BPNT1: variants seen among roughly 807,000 people sequenced by gnomAD.
BPNT1 encodes 3'(2'), 5'-bisphosphate nucleotidase 1.
A neutral mutation model predicts 36.9 loss-of-function variants in BPNT1; 28 were observed. The observed-to-expected ratio is 0.76, with a 90% CI of 0.56 to 1.04. The LOEUF (loss-of-function observed/expected upper bound fraction) is 1.04. Ranked by LOEUF, BPNT1 falls within the 50% of genes least tolerant of loss-of-function variation. The pLI is 0.00. For missense variants in BPNT1, 313 were observed against 372.9 expected (o/e 0.84, Z 1.32); for synonymous variants, 119 against 130.9 (o/e 0.91, Z 0.62).
chr1:220,069,284 T>C, intron 5 of BPNT1, 100 bp downstream of exon 5: 1 of 907,386 alleles, frequency 1.1e-6, no homozygotes, highest in Non-Finnish European at 1.7e-6. Context: ...TAACACATGA[T>C]AGTAGCTTTC....
At chr1:220,074,953 T>C (rs1015977974) in intron 2 of BPNT1, among the ~76,000 whole-genome samples, 1 of 152,024 alleles carries the variant, frequency 6.6e-6, no homozygotes, top group Non-Finnish European at 1.5e-5. Context: ...CCTCCTTTGT[T>C]AGTTTGCTTT....
Position 220,057,761 on chromosome 1 carries a change from C to T in BPNT1, c.*1083G>A. The T allele has an allele frequency of 1.1e-6, 1 of 883,694 alleles. No homozygotes were observed. The highest frequency in any genetic ancestry group is 1.6e-6 in the Non-Finnish European group (1 of 633,836). The allele number at this position is 883,694 out of a possible 1,614,324, so 54.7% of individuals were successfully genotyped here. On this transcript the variant is annotated 3_prime_UTR_variant, in exon 9 of 9. Transcript: ENST00000322067. ...AATAATTTATTTAAAAAAAACTTTTCTCATAAATCTGTTTCATAAGCATAT... is the reference window on the plus strand; with the variant it reads ...AATAATTTATTTAAAAAAAACTTTTTTCATAAATCTGTTTCATAAGCATAT...
At chr1:220,065,361 C>A (rs1663446498) in intron 6 of BPNT1, among the ~76,000 whole-genome samples, 1 of 152,102 alleles carries the variant, frequency 6.6e-6, no homozygotes, top group African/African-American at 2.4e-5. Context: ...AAAGGCTCCA[C>A]ACCAATTTTG....
chr1:220,084,033 T>C (rs1558104404), intron 1 of BPNT1, among the ~76,000 whole-genome samples: 1 of 152,076 alleles, frequency 6.6e-6, no homozygotes, highest in Non-Finnish European at 1.5e-5. Flanking sequence ...GCACTTCAGA[T>C]AGAAAACAGA....
rs1298669386 is a variant in BPNT1 at position 220,089,765 on chromosome 1, G to T, written c.-88C>A. 1 of 152,262 alleles carries T rather than the reference G, an allele frequency of 6.6e-6. No individual in the cohort carries two copies. Among genetic ancestry groups the T allele is most frequent in the African/African-American group, 2.4e-5 (1 of 41,462 alleles). The allele number at this position is 152,262 out of a possible 1,614,324, so 9.4% of individuals were successfully genotyped here. A position where few individuals can be genotyped will look rare whatever the true frequency, so the allele number is the denominator to read the frequency against. Reference sequence around the variant, plus strand: ...AGACCCAGGTCCCTCGTTGTGTCCAGTACCGAGCTTTGGCACTGTCAATAA... The same window carrying T: ...AGACCCAGGTCCCTCGTTGTGTCCATTACCGAGCTTTGGCACTGTCAATAA... On this transcript the variant is annotated 5_prime_UTR_variant, in exon 1 of 9. In the 5' UTR this introduces an upstream ATG that the reference lacks. Transcript: ENST00000322067.
intron 1 of BPNT1, among the ~76,000 whole-genome samples, chr1:220,083,569 G>A (rs1205929707): frequency 6.6e-6 from 1 of 151,452 alleles, no homozygotes; most frequent in Non-Finnish European, 1.5e-5. Context: ...CCTCGGCCTC[G>A]CAAAGTGCTG....
intron 6 of BPNT1, among the ~76,000 whole-genome samples, chr1:220,066,743 G>C (rs1225112966): frequency 6.6e-6 from 1 of 152,132 alleles, no homozygotes; most frequent in Non-Finnish European, 1.5e-5. Flanking sequence ...CAAGAAAAAA[G>C]AATGCAAGAG....
intron 6 of BPNT1, among the ~76,000 whole-genome samples, chr1:220,063,356 T>C (rs919583480): frequency 3.9e-5 from 6 of 152,082 alleles, no homozygotes; most frequent in African/African-American, 1.2e-4. Flanking sequence ...TCAAAAAACA[T>C]GATAATGTTA....
intron 2 of BPNT1, among the ~76,000 whole-genome samples, chr1:220,077,596 A>G (rs567197158): frequency 1.2e-4 from 19 of 152,184 alleles, no homozygotes; most frequent in Non-Finnish European, 2.4e-4. Context: ...TGATTTTTAC[A>G]TTAACTTTTT....
chr1:220,068,123 C>A (rs1462990227), intron 5 of BPNT1, among the ~76,000 whole-genome samples: 3 of 152,032 alleles, frequency 2.0e-5, no homozygotes, highest in Admixed American at 1.3e-4. Context: ...GTCCTGAGAG[C>A]CAATACAAGA....
chr1:220,058,573 T>A lies in BPNT1; in HGVS notation c.*271A>T. ...TGAGACAGGGCTTAACTCCTGTCAC[T>A]CAGGCTGGAGTGCAGTGGCACGATC... is the stretch of plus-strand genomic sequence containing the variant. On this transcript the variant is annotated 3_prime_UTR_variant, in exon 9 of 9. Coordinates refer to ENST00000322067, the MANE Select transcript of BPNT1 (RefSeq NM_006085.6). The A allele has an allele frequency of 2.2e-6, 2 of 892,518 alleles. No homozygotes were observed. Among genetic ancestry groups the A allele is most frequent in the Non-Finnish European group, 2.8e-6 (2 of 726,396 alleles). 55.3% of individuals were successfully genotyped at this position (892,518 alleles called of 1,614,324 possible). A position where few individuals can be genotyped will look rare whatever the true frequency, so the allele number is the denominator to read the frequency against.
At chr1:220,081,959 C>G (rs955576269) in intron 1 of BPNT1, among the ~76,000 whole-genome samples, 51 of 151,340 alleles carry the variant, frequency 3.4e-4, no homozygotes, top group Non-Finnish European at 6.3e-4. Flanking sequence ...TTATCTCTGT[C>G]TTAGAGTTTT....
chr1:220,087,122 T>C (rs955807183), intron 1 of BPNT1, among the ~76,000 whole-genome samples: 12 of 150,956 alleles, frequency 7.9e-5, no homozygotes, highest in African/African-American at 2.9e-4. Context: ...TTGATATAAA[T>C]ACATTTCAAT....
Position 220,058,221 on chromosome 1 carries a change from T to C in BPNT1, c.*623A>G. The C allele has an allele frequency of 1.0e-6, 1 of 995,210 alleles. No individual in the cohort carries two copies. Among genetic ancestry groups the C allele is most frequent in the East Asian group, 1.1e-4 (1 of 9,426 alleles). The allele number at this position is 995,210 out of a possible 1,614,324, so 61.6% of individuals were successfully genotyped here. A position where few individuals can be genotyped will look rare whatever the true frequency, so the allele number is the denominator to read the frequency against. ...TGGTTTAGAAGATAGGAATGTTCAT[T>C]GAACATTGACCTGAACTGTCAATTG... On this transcript the variant is annotated 3_prime_UTR_variant, in exon 9 of 9. Transcript: ENST00000322067.
chr1:220,076,755 C>A (rs1664590688), intron 2 of BPNT1, among the ~76,000 whole-genome samples: 4 of 150,570 alleles, frequency 2.7e-5, no homozygotes, highest in African/African-American at 9.7e-5. Flanking sequence ...CTGAAAGCAG[C>A]AGTATTATTT....
chr1:220,075,468 A>T (rs1422487705), intron 2 of BPNT1, among the ~76,000 whole-genome samples: 1 of 152,228 alleles, frequency 6.6e-6, no homozygotes, highest in Non-Finnish European at 1.5e-5. Flanking sequence ...CTAGAATGTA[A>T]GCTCCACAAA....
chr1:220,061,543 A>C (rs893396746), intron 7 of BPNT1, among the ~76,000 whole-genome samples: 34 of 151,912 alleles, frequency 2.2e-4, no homozygotes, highest in African/African-American at 5.5e-4. Flanking sequence ...CAAAAAAAAA[A>C]AAAAAACAAA....
rs1663823630 is a variant in BPNT1 at position 220,069,234 on chromosome 1, A to G, written c.382+150T>C. 2.0e-5 allele frequency: 11 copies of G among 550,812 alleles called. No homozygotes were observed. The South Asian group carries it at 3.3e-4, about 16-fold the overall frequency. 34.1% of individuals were successfully genotyped at this position (550,812 alleles called of 1,614,324 possible). A position where few individuals can be genotyped will look rare whatever the true frequency, so the allele number is the denominator to read the frequency against. On this transcript the variant is annotated intron_variant, in intron 5 of 8. Transcript: ENST00000322067. ...CTCCTGTCTTAACAATCAACGATGT[A>G]TGATAACCATGAGCACAAATATAGC...
At chr1:220,059,052 A>G in intron 8 of BPNT1, 60 bp from the exon 9 acceptor site, 2 of 1,580,862 alleles carry the variant, frequency 1.3e-6, no homozygotes, top group South Asian at 1.1e-5. Flanking sequence ...TGGTTTTTCT[A>G]GTTATTTTTA....
Sources: allele counts gnomAD v4.1 joint callset (sites outside exome capture counted in the v4.1 genomes callset), GRCh38; gene constraint gnomAD v4.1.1; transcripts MANE v1.5; gene names NCBI Gene and HGNC (gene_info 2026-07-23, HGNC 2026-07-21).